The following KCNH7 variants were observed in gnomAD, a reference collection of about 807,000 sequenced individuals.
KCNH7 encodes the protein voltage-gated inwardly rectifying potassium channel KCNH7.
A neutral mutation model predicts 120.8 loss-of-function variants in KCNH7; 49 were observed. The ratio of observed to expected loss-of-function variants is 0.41; its 90% CI spans 0.32 to 0.51. The LOEUF is 0.51. KCNH7 is among the 20% of genes least tolerant of loss of function. KCNH7 has a pLI of 0.38. For synonymous variants in KCNH7, 547 were observed against 516.1 expected (o/e 1.06, Z -0.81); for missense variants, 1,097 against 1,446.6 (o/e 0.76, Z 3.92).
At chr2:162,375,198 T>C (rs1686118071) in intron 14 of KCNH7, among the ~76,000 whole-genome samples, 1 of 152,222 alleles carries the variant, frequency 6.6e-6, no homozygotes, top group Non-Finnish European at 1.5e-5. Context: ...ACTAACAGCA[T>C]TCAGTTGTGA....
chr2:162,425,542 T>C (rs182314942), intron 8 of KCNH7, among the ~76,000 whole-genome samples: 1 of 152,288 alleles, frequency 6.6e-6, no homozygotes, highest in Admixed American at 6.5e-5. Flanking sequence ...AGGAGATTCA[T>C]GTGAAAAATA....
chr2:162,407,777 C>A (rs1350679523), intron 9 of KCNH7, among the ~76,000 whole-genome samples: 1 of 151,930 alleles, frequency 6.6e-6, no homozygotes, highest in Non-Finnish European at 1.5e-5. Context: ...GGATGCTCTA[C>A]AAATAGTTCT....
chr2:162,483,252 AC>A (rs1191171928), intron 6 of KCNH7, among the ~76,000 whole-genome samples: 2 of 152,146 alleles, frequency 1.3e-5, no homozygotes, highest in African/African-American at 4.8e-5. Flanking sequence ...CTTACCTTAG[AC>A]CAATTATTTC....
At chr2:162,533,533 T>C (rs1439692530) in intron 3 of KCNH7, among the ~76,000 whole-genome samples, 2 of 151,706 alleles carry the variant, frequency 1.3e-5, no homozygotes, top group African/African-American at 2.4e-5. Flanking sequence ...TGATTTAAGA[T>C]ACAGTAGAAT....
intron 2 of KCNH7, among the ~76,000 whole-genome samples, chr2:162,577,291 G>A (rs7562035): frequency 0.04 from 5,121 of 127,424 alleles, 225 homozygotes; most frequent in African/African-American, 0.092. Context: ...AGATCTATCT[G>A]TCTATCTATC....
intron 9 of KCNH7, 102 bp downstream of exon 9, chr2:162,423,234 C>T (rs541351962): frequency 1.3e-6 from 2 of 1,597,854 alleles, no homozygotes; most frequent in South Asian, 2.2e-5. Context: ...GAGAAGAAAA[C>T]AAAAGCAAGG....
chr2:162,665,852 T>C (rs931786652), intron 2 of KCNH7, among the ~76,000 whole-genome samples: 6 of 152,162 alleles, frequency 3.9e-5, no homozygotes, highest in African/African-American at 1.4e-4. Context: ...TCACCAACTC[T>C]AACTAGCCTC....
chr2:162,498,784 C>T (rs1321782069), intron 6 of KCNH7, among the ~76,000 whole-genome samples: 2 of 152,046 alleles, frequency 1.3e-5, no homozygotes. Flanking sequence ...TTAGGTGAGA[C>T]AGGAGAGTCT....
intron 2 of KCNH7, among the ~76,000 whole-genome samples, chr2:162,788,089 T>C (rs1683779739): frequency 6.6e-6 from 1 of 151,820 alleles, no homozygotes; most frequent in Admixed American, 6.6e-5. Flanking sequence ...AATCATGGAA[T>C]CATGACACCA....
At chr2:162,752,903 AAAAAG>A (rs1332067169) in intron 2 of KCNH7, among the ~76,000 whole-genome samples, 5 of 32,072 alleles carry the variant, frequency 1.6e-4, no homozygotes, top group African/African-American at 2.5e-4. Context: ...TACATCTCAG[AAAAAG>A]AAAAGAAAAG....
At chr2:162,470,622 G>C (rs1432318993) in intron 6 of KCNH7, among the ~76,000 whole-genome samples, 2 of 151,216 alleles carry the variant, frequency 1.3e-5, no homozygotes, top group Non-Finnish European at 1.5e-5. Flanking sequence ...GGAGGGAGGT[G>C]GGGGGGTCAG....
intron 2 of KCNH7, among the ~76,000 whole-genome samples, chr2:162,788,947 T>C (rs1261310004): frequency 2.1e-5 from 3 of 146,004 alleles, no homozygotes; most frequent in Non-Finnish European, 3.0e-5. Flanking sequence ...GCAGAAACCT[T>C]GATGCCAGAA....
chr2:162,705,310 G>T (rs1426760865), intron 2 of KCNH7, among the ~76,000 whole-genome samples: 1 of 152,056 alleles, frequency 6.6e-6, no homozygotes, highest in Non-Finnish European at 1.5e-5. Flanking sequence ...AAGCAGGTAT[G>T]GAATGGTATA....
chr2:162,785,820 G>A (rs1340045501), intron 2 of KCNH7, among the ~76,000 whole-genome samples: 1 of 152,152 alleles, frequency 6.6e-6, no homozygotes, highest in East Asian at 1.9e-4. Flanking sequence ...AAGAGTCTAT[G>A]ACCAGTGCTA....
intron 14 of KCNH7, among the ~76,000 whole-genome samples, chr2:162,375,926 C>G (rs1162088889): frequency 6.6e-6 from 1 of 150,472 alleles, no homozygotes; most frequent in African/African-American, 2.4e-5. Flanking sequence ...AAAAAGAGGA[C>G]TCTTATACTG....
chr2:162,402,583 C>A (rs918619218), intron 9 of KCNH7, among the ~76,000 whole-genome samples: 8 of 151,350 alleles, frequency 5.3e-5, no homozygotes, highest in Non-Finnish European at 1.2e-4. Context: ...AAGCATTACA[C>A]CAAGTAACAA....
chr2:162,713,470 C>T (rs1251854148), intron 2 of KCNH7, among the ~76,000 whole-genome samples: 5 of 152,178 alleles, frequency 3.3e-5, no homozygotes, highest in East Asian at 3.9e-4. Flanking sequence ...CTTATGTTTA[C>T]ACTTGATTAT....
At chr2:162,444,303 G>C (rs1352171285) in intron 7 of KCNH7, among the ~76,000 whole-genome samples, 1 of 151,850 alleles carries the variant, frequency 6.6e-6, no homozygotes, top group East Asian at 1.9e-4. Flanking sequence ...CACTTTGAAG[G>C]GTACCTAACA....
intron 2 of KCNH7, among the ~76,000 whole-genome samples, chr2:162,548,591 C>T (rs528069438): frequency 6.6e-6 from 1 of 151,970 alleles, no homozygotes; most frequent in Non-Finnish European, 1.5e-5. Flanking sequence ...GTTCACCCAG[C>T]AGCACACATT....
Sources: allele counts gnomAD v4.1 joint callset (sites outside exome capture counted in the v4.1 genomes callset), GRCh38; gene constraint gnomAD v4.1.1; transcripts MANE v1.5; gene names NCBI Gene and HGNC (gene_info 2026-07-23, HGNC 2026-07-21).